The following LGR4 variants were observed in gnomAD, a reference collection of about 807,000 sequenced individuals.
The protein encoded by LGR4 is leucine rich repeat containing G protein-coupled receptor 4.
Under a neutral mutation model 84.8 loss-of-function variants are expected in LGR4, and 44 were observed. The ratio of observed to expected loss-of-function variants is 0.52; its 90% CI spans 0.41 to 0.67. The LOEUF (loss-of-function observed/expected upper bound fraction) is 0.67, where lower values mean the gene tolerates loss of function less well. Ranked by LOEUF, LGR4 falls within the 30% of genes least tolerant of loss-of-function variation. The pLI, the probability that LGR4 is intolerant of heterozygous loss-of-function variation, is 0.00. For missense variants in LGR4, 1,032 were observed against 1,131.4 expected (o/e 0.91, Z 1.26); for synonymous variants, 429 against 434.3 (o/e 0.99, Z 0.15).
chr11:27,425,124 G>C lies in LGR4; in HGVS notation c.186-12264C>G, dbSNP rs141290247. On this transcript the variant is annotated intron_variant, in intron 1 of 17. Coordinates refer to ENST00000379214, the MANE Select transcript of LGR4 (RefSeq NM_018490.5). ...TATCAGTCTATTTGCATAATGTGGA[G>C]TCGGCTTTTGAACTTCGATATGTTG... 2.9e-3 allele frequency among the ~76,000 whole-genome samples: 443 copies of C among 152,278 alleles called. 14 individuals carry two copies. In the East Asian group the frequency reaches 0.072, roughly 25 times the overall value.
intron 1 of LGR4, among the ~76,000 whole-genome samples, chr11:27,415,855 T>C (rs919637160): frequency 1.3e-5 from 2 of 152,054 alleles, no homozygotes; most frequent in Non-Finnish European, 1.5e-5. Context: ...ATAAACAATC[T>C]ATAGATAGTC....
At chr11:27,390,668 T>C (rs1247846514) in intron 4 of LGR4, among the ~76,000 whole-genome samples, 1 of 152,206 alleles carries the variant, frequency 6.6e-6, no homozygotes, top group African/African-American at 2.4e-5. Flanking sequence ...TTTTTCATTT[T>C]TTCCGAGAAG....
rs201183796 is a variant in LGR4 at position 27,380,974 on chromosome 11, G to C, written c.759-8C>G. On this transcript the variant is annotated splice_region_variant and splice_polypyrimidine_tract_variant and intron_variant, in intron 7 of 17. Transcript: ENST00000379214. ...GAATTACTATGAAATCCTCTAGAAA[G>C]ATAGGAGAAAAGTATTTTGAAATGC... 167 of 1,463,338 alleles carry C rather than the reference G, an allele frequency of 1.1e-4. No homozygotes were observed. The Middle Eastern group carries it at 1.9e-3, about 17-fold the overall frequency. 90.6% of individuals were successfully genotyped at this position (1,463,338 alleles called of 1,614,324 possible).
At chr11:27,423,081 G>A (rs1208192190) in intron 1 of LGR4, among the ~76,000 whole-genome samples, 1 of 151,670 alleles carries the variant, frequency 6.6e-6, no homozygotes, top group African/African-American at 2.4e-5. Context: ...TTGATTTTAA[G>A]ATTAAAAAAA....
At chr11:27,438,152 A>T (rs921955957) in intron 1 of LGR4, among the ~76,000 whole-genome samples, 1 of 152,180 alleles carries the variant, frequency 6.6e-6, no homozygotes, top group Non-Finnish European at 1.5e-5. Flanking sequence ...CAGAATCAAG[A>T]CCCAAATCTT....
intron 1 of LGR4, among the ~76,000 whole-genome samples, chr11:27,438,606 T>G (rs1010466026): frequency 6.6e-6 from 1 of 152,236 alleles, no homozygotes; most frequent in African/African-American, 2.4e-5. Context: ...AGATGATCAT[T>G]GTAATCAGTA....
intron 1 of LGR4, among the ~76,000 whole-genome samples, chr11:27,456,022 A>G (rs564685626): frequency 6.6e-6 from 1 of 152,360 alleles, no homozygotes; most frequent in South Asian, 2.1e-4. Flanking sequence ...GATGGTGATG[A>G]TATTATCTGA....
In LGR4 at chr11:27,369,141, C is replaced by A. The variant is rs1462249348; in HGVS notation, c.1582G>T (p.Ala528Ser). 3 of 1,573,078 alleles carry A rather than the reference C, an allele frequency of 1.9e-6. No individual in the cohort carries two copies. Among genetic ancestry groups the A allele is most frequent in the Admixed American group, 3.8e-5 (2 of 53,278 alleles). The change falls in exon 18 of 18, where the codon GCT becomes TCT. Residue 528 changes from alanine (A) to serine (S), a missense_variant and splice_region_variant. By Grantham distance (99) the Ala-to-Ser change is moderately conservative. Transcript: ENST00000379214. ...AGTAAATATTCACAGGGCTTAAAAGCACCTAAAAAAAACACACACAGAGAG... is the reference window on the plus strand; with the variant it reads ...AGTAAATATTCACAGGGCTTAAAAGAACCTAAAAAAAACACACACAGAGAG... ...IIIHCTPSTG[A>S]FKPCEYLLGS...
intron 2 of LGR4, among the ~76,000 whole-genome samples, chr11:27,407,109 C>T (rs992364497): frequency 6.6e-6 from 1 of 152,112 alleles, no homozygotes; most frequent in Non-Finnish European, 1.5e-5. Flanking sequence ...TTTGGACAAG[C>T]CACTTATCTA....
At position 27,380,687 on chromosome 11, in the gene LGR4, A is replaced by G. The variant is rs1164738324; in HGVS notation, c.855T>C (p.Ser285=). 2.5e-6 allele frequency: 4 copies of G among 1,603,552 alleles called. No individual in the cohort carries two copies. The African/African-American group carries it at 4.0e-5, about 16-fold the overall frequency. Residue 285 remains serine (S), a synonymous_variant, in exon 9 of 18, where the codon TCT becomes TCC. Coordinates refer to ENST00000379214, the MANE Select transcript of LGR4 (RefSeq NM_018490.5). ...RTIHLYDNPL[S]FVGNSAFHNL... ...TGTGAAATGCTGAGTTCCCCACAAA[A>G]GACAGAGGATTATCATACAAATGTC...
At chr11:27,470,675 A>C (rs1864853621) in intron 1 of LGR4, among the ~76,000 whole-genome samples, 1 of 151,346 alleles carries the variant, frequency 6.6e-6, no homozygotes, top group South Asian at 2.1e-4. Flanking sequence ...TGCAAAGTTA[A>C]CTTTTTTTTT....
chr11:27,427,281 TGA>T (rs1864039176), intron 1 of LGR4, among the ~76,000 whole-genome samples: 1 of 152,184 alleles, frequency 6.6e-6, no homozygotes, highest in Non-Finnish European at 1.5e-5. Flanking sequence ...ACATTCCCTC[TGA>T]TCTTAAGGGG....
At chr11:27,387,290 A>T (rs1863204074) in intron 4 of LGR4, among the ~76,000 whole-genome samples, 1 of 152,172 alleles carries the variant, frequency 6.6e-6, no homozygotes, top group Non-Finnish European at 1.5e-5. Context: ...TGGCGGAGGT[A>T]ACATACAACA....
At chr11:27,410,005 C>A (rs1863680535) in intron 2 of LGR4, among the ~76,000 whole-genome samples, 1 of 152,164 alleles carries the variant, frequency 6.6e-6, no homozygotes, top group Non-Finnish European at 1.5e-5. Flanking sequence ...TGGAAATGAT[C>A]CACATCTGCA....
chr11:27,415,011 G>A (rs1280754043), intron 1 of LGR4, among the ~76,000 whole-genome samples: 1 of 152,098 alleles, frequency 6.6e-6, no homozygotes, highest in East Asian at 1.9e-4. Flanking sequence ...TTATCATAAT[G>A]CAAAGTTTAA....
At chr11:27,431,629 T>A (rs989553594) in intron 1 of LGR4, among the ~76,000 whole-genome samples, 8 of 152,212 alleles carry the variant, frequency 5.3e-5, no homozygotes, top group African/African-American at 1.9e-4. Flanking sequence ...TTCCTTCTGT[T>A]TTTCTTCTTC....
intron 1 of LGR4, among the ~76,000 whole-genome samples, chr11:27,434,996 G>A (rs1864183439): frequency 3.3e-5 from 5 of 152,020 alleles, no homozygotes; most frequent in Admixed American, 3.3e-4. Context: ...CAGGCAGCTG[G>A]AAACCCACAA....
At chr11:27,397,930 G>A (rs1863419659) in intron 2 of LGR4, among the ~76,000 whole-genome samples, 1 of 152,232 alleles carries the variant, frequency 6.6e-6, no homozygotes, top group South Asian at 2.1e-4. Context: ...AGAAAGGGCA[G>A]AGGAGAAGCA....
In LGR4 at chr11:27,472,540, G is replaced by A. The variant is rs1864900427; in HGVS notation, c.-238C>T. ...CGCGCAGAGGCAGCCCCGCTCCTCC[G>A]GCGGCTCACGCCAGCCGGGCCGGCC... On this transcript the variant is annotated 5_prime_UTR_variant, in exon 1 of 18. Coordinates refer to ENST00000379214, the MANE Select transcript of LGR4 (RefSeq NM_018490.5). The A allele has an allele frequency of 2.6e-6, 1 of 385,508 alleles. No homozygotes were observed. Among genetic ancestry groups the A allele is most frequent in the African/African-American group, 2.1e-5 (1 of 48,038 alleles). The allele number at this position is 385,508 out of a possible 1,614,324, so 23.9% of individuals were successfully genotyped here.
Sources: allele counts gnomAD v4.1 joint callset (sites outside exome capture counted in the v4.1 genomes callset), GRCh38; gene constraint gnomAD v4.1.1; transcripts MANE v1.5; gene names NCBI Gene and HGNC (gene_info 2026-07-23, HGNC 2026-07-21).